Variants in PRKN observed in about 807,000 individuals in gnomAD.
The protein encoded by PRKN is E3 ubiquitin-protein ligase parkin.
Under a neutral mutation model 59.5 loss-of-function variants are expected in PRKN, and 56 were observed. The ratio of observed to expected loss-of-function variants is 0.94; its 90% CI spans 0.76 to 1.18. The LOEUF (loss-of-function observed/expected upper bound fraction) is 1.18, where lower values mean the gene tolerates loss of function less well. Among genes scored for constraint, PRKN ranks in the 50% most tolerant of loss-of-function variants. The pLI is 0.00. For synonymous variants in PRKN, 250 were observed against 222.1 expected (o/e 1.13, Z -1.12); for missense variants, 657 against 596.4 (o/e 1.10, Z -1.06).
At chr6:162,667,507 A>G (rs1284963306) in intron 1 of PRKN, among the ~76,000 whole-genome samples, 1 of 152,112 alleles carries the variant, frequency 6.6e-6, no homozygotes, top group Non-Finnish European at 1.5e-5. Flanking sequence ...TAAGTCATAT[A>G]AAGTACCTTG....
At chr6:161,936,000 T>C (rs1779343008) in intron 6 of PRKN, among the ~76,000 whole-genome samples, 1 of 152,102 alleles carries the variant, frequency 6.6e-6, no homozygotes, top group Admixed American at 6.5e-5. Flanking sequence ...TGTGCCTAGA[T>C]TAGTGACAAA....
chr6:162,491,779 C>T (rs1179597335), intron 1 of PRKN, among the ~76,000 whole-genome samples: 4 of 152,172 alleles, frequency 2.6e-5, no homozygotes. Flanking sequence ...AGGTGACCAG[C>T]CGCACAATCA....
At chr6:162,438,534 C>A (rs1048916909) in intron 2 of PRKN, among the ~76,000 whole-genome samples, 2 of 151,830 alleles carry the variant, frequency 1.3e-5, no homozygotes, top group Non-Finnish European at 2.9e-5. Context: ...TTCTTTCTTC[C>A]TGAACGACAT....
intron 7 of PRKN, among the ~76,000 whole-genome samples, chr6:161,742,860 C>T (rs1788245637): frequency 6.6e-6 from 1 of 152,180 alleles, no homozygotes; most frequent in Admixed American, 6.5e-5. Flanking sequence ...GTGGCGCCCC[C>T]TCATCTGACA....
chr6:162,104,024 G>C (rs1472506969), intron 4 of PRKN, among the ~76,000 whole-genome samples: 1 of 152,184 alleles, frequency 6.6e-6, no homozygotes, highest in Non-Finnish European at 1.5e-5. Flanking sequence ...TCCATGAAGG[G>C]CTCAAAGCAA....
At chr6:162,521,431 A>G (rs939371452) in intron 1 of PRKN, among the ~76,000 whole-genome samples, 9 of 152,292 alleles carry the variant, frequency 5.9e-5, no homozygotes, top group African/African-American at 2.2e-4. Flanking sequence ...ATAACCTTAA[A>G]TATTTCACCA....
At chr6:161,916,801 T>C (rs1166812700) in intron 6 of PRKN, among the ~76,000 whole-genome samples, 1 of 152,212 alleles carries the variant, frequency 6.6e-6, no homozygotes, top group African/African-American at 2.4e-5. Context: ...TTTTTCTTTT[T>C]CTTTTTCTTT....
At chr6:162,263,671 G>T (rs1407688764) in intron 2 of PRKN, among the ~76,000 whole-genome samples, 2 of 152,110 alleles carry the variant, frequency 1.3e-5, no homozygotes, top group Non-Finnish European at 2.9e-5. Flanking sequence ...CTACTACATA[G>T]GGCCGGCCGC....
chr6:162,409,091 G>A (rs1007811641), intron 2 of PRKN, among the ~76,000 whole-genome samples: 1 of 152,038 alleles, frequency 6.6e-6, no homozygotes, highest in African/African-American at 2.4e-5. Context: ...ATGGGGTAAT[G>A]TGCATCTGCT....
intron 7 of PRKN, among the ~76,000 whole-genome samples, chr6:161,606,343 T>C (rs929035092): frequency 5.3e-5 from 8 of 152,132 alleles, no homozygotes; most frequent in African/African-American, 1.9e-4. Context: ...GAGGAGTTGG[T>C]GACTACCTAG....
chr6:161,689,692 T>C (rs1785703063), intron 7 of PRKN, among the ~76,000 whole-genome samples: 1 of 152,154 alleles, frequency 6.6e-6, no homozygotes, highest in Non-Finnish European at 1.5e-5. Context: ...CTTTAAAATG[T>C]GAAAGTCATT....
chr6:162,289,014 T>C (rs377040162), intron 2 of PRKN, among the ~76,000 whole-genome samples: 18 of 152,304 alleles, frequency 1.2e-4, no homozygotes, highest in East Asian at 9.7e-4. Context: ...ATGTGGAATA[T>C]GGCAAAAGTG....
chr6:162,350,110 A>T (rs1034293903), intron 2 of PRKN, among the ~76,000 whole-genome samples: 1 of 152,174 alleles, frequency 6.6e-6, no homozygotes. Flanking sequence ...CATTTAAAAA[A>T]ATATAAAACA....
At chr6:161,722,099 C>T (rs530695150) in intron 7 of PRKN, among the ~76,000 whole-genome samples, 70 of 152,020 alleles carry the variant, frequency 4.6e-4, no homozygotes, top group Non-Finnish European at 8.8e-4. Flanking sequence ...GCTCAGCAAC[C>T]CTCCTTAGGC....
chr6:161,416,383 T>C (rs1366739124), intron 9 of PRKN, among the ~76,000 whole-genome samples: 1 of 152,136 alleles, frequency 6.6e-6, no homozygotes, highest in Non-Finnish European at 1.5e-5. Context: ...GGAACTTTGT[T>C]TCTTTTGAGC....
intron 6 of PRKN, among the ~76,000 whole-genome samples, chr6:161,815,986 ATTC>A (rs753367014): frequency 7.2e-5 from 11 of 152,224 alleles, no homozygotes; most frequent in Non-Finnish European, 1.5e-4. Flanking sequence ...AGATCCAGCC[ATTC>A]TTCTCCAGAA....
intron 3 of PRKN, among the ~76,000 whole-genome samples, chr6:162,244,571 T>C (rs1779121997): frequency 6.6e-6 from 1 of 152,078 alleles, no homozygotes; most frequent in South Asian, 2.1e-4. Flanking sequence ...TGTCAACAGG[T>C]ATATGCATTC....
chr6:162,659,294 G>C (rs1429166710), intron 1 of PRKN, among the ~76,000 whole-genome samples: 2 of 145,090 alleles, frequency 1.4e-5, no homozygotes, highest in Non-Finnish European at 3.0e-5. Flanking sequence ...GTTTATATTG[G>C]AACAAGTTTC....
chr6:162,023,705 T>C (rs917877812), intron 5 of PRKN, among the ~76,000 whole-genome samples: 2 of 152,082 alleles, frequency 1.3e-5, no homozygotes, highest in Non-Finnish European at 2.9e-5. Flanking sequence ...CAGGGTGGTC[T>C]TAGAAAATGC....
Sources: gnomAD v4.1 joint callset for allele counts (sites outside exome capture counted in the v4.1 genomes callset) on GRCh38, gnomAD v4.1.1 for gene constraint, MANE v1.5 for transcripts, NCBI Gene and HGNC (gene_info 2026-07-23, HGNC 2026-07-21) for gene names.